The following COL5A2 variants were observed in gnomAD, a reference collection of about 807,000 sequenced individuals.
The protein encoded by COL5A2 is collagen type V alpha 2 chain, also known as collagen alpha-2(V) chain.
COL5A2 carries 23 observed loss-of-function variants against 208.2 expected under a neutral mutation model. The ratio of observed to expected loss-of-function variants is 0.11; its 90% confidence interval spans 0.08 to 0.16. The LOEUF (loss-of-function observed/expected upper bound fraction) is 0.16, where lower values mean the gene tolerates loss of function less well. COL5A2 is among the 10% of genes least tolerant of loss of function. COL5A2 has a pLI of 1.00. For synonymous variants in COL5A2, 625 were observed against 628.5 expected (o/e 0.99, Z 0.08); for missense variants, 1,590 against 1,956.4 (o/e 0.81, Z 3.53).
chr2:189,206,451 G>A (rs897410219), intron 1 of COL5A2, among the ~76,000 whole-genome samples: 5 of 152,080 alleles, frequency 3.3e-5, no homozygotes, highest in Admixed American at 2.0e-4. Context: ...TGCATGCTGA[G>A]GCACAAATAG....
chr2:189,331,962 A>C, the COL5A2 span, among the ~76,000 whole-genome samples: 1 of 151,916 alleles, frequency 6.6e-6, no homozygotes, highest in Non-Finnish European at 1.5e-5. Flanking sequence ...AAAAAAAAAA[A>C]AAACTGGTGA....
chr2:189,038,114 G>C (rs1327210679), intron 51 of COL5A2, among the ~76,000 whole-genome samples: 1 of 151,080 alleles, frequency 6.6e-6, no homozygotes, highest in Non-Finnish European at 1.5e-5. Context: ...TGAGGTTTGG[G>C]GTACAGATCC....
In COL5A2 at chr2:189,110,330, T is replaced by C. The variant is rs1359910385; in HGVS notation, c.217A>G (p.Lys73Glu). The change falls in exon 2 of 54, where the codon AAG becomes GAG. Residue 73 changes from lysine to glutamate, a missense_variant. Coordinates refer to ENST00000374866, the MANE Select transcript of COL5A2 (RefSeq NM_000393.5). The part of the protein sequence containing the change: ...VCDNGAILCD[K>E]IECQDVLDCA... ...TCCAGCACATCCTGGCATTCTATCT[T>C]GTCACAGAGAATGGCTCCATTGTCA... The C allele has an allele frequency of 1.2e-6, 2 of 1,614,132 alleles. No individual in the cohort carries two copies. The highest frequency in any genetic ancestry group is 2.2e-5 in the South Asian group (2 of 91,068).
intron 1 of COL5A2, among the ~76,000 whole-genome samples, chr2:189,126,110 T>C (rs1285182831): frequency 2.0e-5 from 3 of 152,120 alleles, no homozygotes; most frequent in African/African-American, 7.2e-5. Context: ...AATTGATTTT[T>C]ACACAGGAAC....
chr2:189,079,158 A>T, intron 14 of COL5A2, 51 bp from the exon 15 acceptor site: 1 of 1,361,198 alleles, frequency 7.3e-7, no homozygotes, highest in South Asian at 1.2e-5. Flanking sequence ...CAACCGATAC[A>T]TCACTTTGTT....
chr2:189,374,843 T>A, the COL5A2 span, among the ~76,000 whole-genome samples: 1 of 152,124 alleles, frequency 6.6e-6, no homozygotes, highest in East Asian at 1.9e-4. Context: ...TTTACATATT[T>A]TCCTTTCACA....
At chr2:189,188,621 A>T (rs1688883839) in intron 1 of COL5A2, among the ~76,000 whole-genome samples, 1 of 152,198 alleles carries the variant, frequency 6.6e-6, no homozygotes, top group African/African-American at 2.4e-5. Flanking sequence ...AGGACTAGGC[A>T]CAGGCTACAA....
At chr2:189,080,441 T>G (rs551038077) in intron 13 of COL5A2, among the ~76,000 whole-genome samples, 2 of 152,190 alleles carry the variant, frequency 1.3e-5, no homozygotes, top group Non-Finnish European at 2.9e-5. Flanking sequence ...AAATCTCAAC[T>G]ACTCAAAACA....
chr2:189,106,787 A>G (rs1220735666), intron 2 of COL5A2, among the ~76,000 whole-genome samples: 1 of 151,292 alleles, frequency 6.6e-6, no homozygotes, highest in African/African-American at 2.4e-5. Flanking sequence ...GTCTTTATCA[A>G]AAGTATTTAC....
intron 23 of COL5A2, among the ~76,000 whole-genome samples, chr2:189,065,722 G>A (rs576511643): frequency 2.0e-5 from 3 of 152,172 alleles, no homozygotes; most frequent in Non-Finnish European, 4.4e-5. Context: ...CTAGATAAAT[G>A]TGAGATTACT....
intron 1 of COL5A2, among the ~76,000 whole-genome samples, chr2:189,134,080 G>T (rs1308433387): frequency 6.6e-6 from 1 of 152,012 alleles, no homozygotes; most frequent in Non-Finnish European, 1.5e-5. Flanking sequence ...ATCAATACAG[G>T]TTGTTAGATC....
chr2:189,430,832 T>C, the COL5A2 span, among the ~76,000 whole-genome samples: 2 of 152,176 alleles, frequency 1.3e-5, 1 homozygote, highest in South Asian at 4.1e-4. Flanking sequence ...TCTCCCAGCA[T>C]GGTGTTTGAG....
upstream of COL5A2, chr2:189,179,859 A>G (rs1688750958): frequency 4.9e-6 from 3 of 609,842 alleles, no homozygotes; most frequent in Non-Finnish European, 8.6e-6. Context: ...ATAACCATCC[A>G]GTGTCTGCCA....
intron 3 of COL5A2, among the ~76,000 whole-genome samples, chr2:189,101,229 GTTTAT>G (rs1028406083): frequency 6.6e-6 from 1 of 151,916 alleles, no homozygotes; most frequent in African/African-American, 2.4e-5. Flanking sequence ...ATGAGTTCTA[GTTTAT>G]TTTATTTCTC....
At chr2:189,176,514 A>G (rs924062975) in intron 1 of COL5A2, among the ~76,000 whole-genome samples, 1 of 152,194 alleles carries the variant, frequency 6.6e-6, no homozygotes, top group Non-Finnish European at 1.5e-5. Context: ...GTTGAATACA[A>G]TGATTCATAA....
At chr2:189,267,744 CATTATATTTAT>C in the COL5A2 span, among the ~76,000 whole-genome samples, 1 of 151,976 alleles carries the variant, frequency 6.6e-6, no homozygotes, top group Non-Finnish European at 1.5e-5. Context: ...GTGTGTCTCA[CATTATATTTAT>C]ATTTACAGAA....
At chr2:189,091,353 T>G (rs929894593) in intron 7 of COL5A2, among the ~76,000 whole-genome samples, 4 of 152,164 alleles carry the variant, frequency 2.6e-5, no homozygotes, top group African/African-American at 9.7e-5. Flanking sequence ...GAAGATACTG[T>G]GAAGATTGTT....
intron 8 of COL5A2, among the ~76,000 whole-genome samples, chr2:189,087,949 T>C (rs965917831): frequency 1.3e-5 from 2 of 152,156 alleles, no homozygotes; most frequent in Non-Finnish European, 2.9e-5. Context: ...ACTAGTAACT[T>C]TAAAAATATA....
At chr2:189,294,366 G>A in the COL5A2 span, among the ~76,000 whole-genome samples, 1 of 152,138 alleles carries the variant, frequency 6.6e-6, no homozygotes, top group Non-Finnish European at 1.5e-5. Context: ...GAAAATATAT[G>A]TACTATATAA....
Sources: allele counts gnomAD v4.1 joint callset (sites outside exome capture counted in the v4.1 genomes callset), GRCh38; gene constraint gnomAD v4.1.1; transcripts MANE v1.5; gene names NCBI Gene and HGNC (gene_info 2026-07-23, HGNC 2026-07-21).